SV2C: variants seen among roughly 807,000 people sequenced by gnomAD.
SV2C encodes the protein synaptic vesicle glycoprotein 2C.
SV2C carries 49 observed loss-of-function variants against 79.7 expected under a neutral mutation model. The observed-to-expected ratio is 0.61, with a 90% confidence interval of 0.49 to 0.78. The LOEUF (loss-of-function observed/expected upper bound fraction) is 0.78, where lower values mean the gene tolerates loss of function less well. Among genes scored for constraint, SV2C ranks in the 30% least tolerant of loss-of-function variants. SV2C has a pLI of 0.00. For missense variants in SV2C, 833 were observed against 912.9 expected (o/e 0.91, Z 1.13); for synonymous variants, 334 against 333.2 (o/e 1.00, Z -0.03).
chr5:76,171,580 C>A (rs970171968), intron 2 of SV2C, among the ~76,000 whole-genome samples: 3 of 145,160 alleles, frequency 2.1e-5, no homozygotes, highest in African/African-American at 7.4e-5. Flanking sequence ...GCGTCTCCGC[C>A]GGGCAGCCAC....
At chr5:75,973,002 A>C in the SV2C span, among the ~76,000 whole-genome samples, 1 of 152,098 alleles carries the variant, frequency 6.6e-6, no homozygotes, top group Non-Finnish European at 1.5e-5. Context: ...CAGCTATAAA[A>C]ATGATGAGTT....
At chr5:76,247,223 T>C (rs1028796257) in intron 4 of SV2C, among the ~76,000 whole-genome samples, 4 of 152,204 alleles carry the variant, frequency 2.6e-5, no homozygotes, top group Admixed American at 2.6e-4. Flanking sequence ...TAGCAAATGC[T>C]ACAGAGGAGA....
At chr5:76,205,639 A>G (rs550124881) in intron 3 of SV2C, among the ~76,000 whole-genome samples, 1 of 152,354 alleles carries the variant, frequency 6.6e-6, no homozygotes, top group Non-Finnish European at 1.5e-5. Flanking sequence ...TATAACGAAC[A>G]CTAAGGTCTC....
downstream of SV2C, among the ~76,000 whole-genome samples, chr5:76,338,363 C>T (rs768971340): frequency 6.6e-6 from 1 of 152,226 alleles, no homozygotes; most frequent in Non-Finnish European, 1.5e-5. Context: ...TCTGCTTCCT[C>T]ACCTTCAAGG....
chr5:76,189,741 A>C (rs1356703464), intron 2 of SV2C, among the ~76,000 whole-genome samples: 8 of 152,124 alleles, frequency 5.3e-5, no homozygotes, highest in Non-Finnish European at 4.4e-5. Flanking sequence ...AAGTTTCTTT[A>C]AAGTGGAGTG....
At chr5:76,019,920 G>A in the SV2C span, among the ~76,000 whole-genome samples, 1 of 152,140 alleles carries the variant, frequency 6.6e-6, no homozygotes, top group Non-Finnish European at 1.5e-5. Context: ...TGCTCTAAGT[G>A]TTGAGTGATA....
chr5:76,294,233 C>G (rs1474930281), intron 8 of SV2C, among the ~76,000 whole-genome samples: 1 of 151,930 alleles, frequency 6.6e-6, no homozygotes, highest in Non-Finnish European at 1.5e-5. Flanking sequence ...GCCATACACA[C>G]ACACACAAAG....
intron 1 of SV2C, among the ~76,000 whole-genome samples, chr5:76,085,826 T>TACACACACACACACAC (rs34074817): frequency 0.051 from 7,181 of 141,790 alleles, 291 homozygotes; most frequent in East Asian, 0.11. Context: ...ACAAAGCCCC[T>TACACACACACACACAC]ACACACACAC....
At chr5:76,181,387 C>T (rs1743726083) in intron 2 of SV2C, among the ~76,000 whole-genome samples, 1 of 152,218 alleles carries the variant, frequency 6.6e-6, no homozygotes, top group African/African-American at 2.4e-5. Context: ...TCTACAGTGC[C>T]TTTGCCTTTT....
chr5:76,156,721 A>C (rs1176194008), intron 2 of SV2C, among the ~76,000 whole-genome samples: 1 of 152,344 alleles, frequency 6.6e-6, no homozygotes, highest in East Asian at 1.9e-4. Flanking sequence ...TGAGATATAA[A>C]TTTTAAAAAA....
At chr5:76,079,645 A>G (rs1179750812), upstream of SV2C, 2 of 347,618 alleles carry the variant, frequency 5.8e-6, no homozygotes, top group Non-Finnish European at 1.1e-5. Flanking sequence ...AAGCCCTGCC[A>G]CTCTATGAAG....
chr5:75,900,292 G>T, the SV2C span, among the ~76,000 whole-genome samples: 1 of 152,124 alleles, frequency 6.6e-6, no homozygotes, highest in Non-Finnish European at 1.5e-5. Context: ...TTGCTTGTTT[G>T]TAAAGGATTT....
rs747144970 is a variant in SV2C at position 76,209,781 on chromosome 5, C to T, written c.807C>T (p.Val269=). The change falls in exon 4 of 13, where the codon GTC becomes GTT. Residue 269 remains valine, a synonymous_variant. Transcript: ENST00000502798. ...IPTVFSYFAE[V]LAREKRGEHL... ...CTGTGTTCTCGTACTTTGCTGAAGT[C>T]CTGGCCCGGGAAAAGCGGGGCGAAC... The T allele has an allele frequency of 1.9e-6, 3 of 1,614,208 alleles. No individual in the cohort carries two copies. In the South Asian group the frequency reaches 3.3e-5, roughly 18 times the overall value.
the SV2C span, among the ~76,000 whole-genome samples, chr5:75,861,816 A>G: frequency 1.4e-4 from 21 of 152,188 alleles, no homozygotes; most frequent in Non-Finnish European, 2.8e-4. Context: ...GGACTACTAG[A>G]AGGGGAAGAG....
intron 4 of SV2C, among the ~76,000 whole-genome samples, chr5:76,254,390 G>A (rs12518086): frequency 0.27 from 40,780 of 151,788 alleles, 6,800 homozygotes; most frequent in Non-Finnish European, 0.36. Context: ...AGTGTCGGTG[G>A]AAGTGGTTCT....
chr5:76,297,492 T>C (rs919266456), intron 9 of SV2C, among the ~76,000 whole-genome samples: 1 of 152,196 alleles, frequency 6.6e-6, no homozygotes, highest in Admixed American at 6.5e-5. Flanking sequence ...CTCTGAATTA[T>C]CCATTCAAAA....
At chr5:76,170,661 A>G (rs1036072663) in intron 2 of SV2C, among the ~76,000 whole-genome samples, 3 of 149,452 alleles carry the variant, frequency 2.0e-5, no homozygotes, top group Non-Finnish European at 4.5e-5. Flanking sequence ...TTTCCTTCCC[A>G]ACAGATATTA....
the SV2C span, among the ~76,000 whole-genome samples, chr5:76,026,941 C>T: frequency 1.9e-4 from 29 of 152,156 alleles, no homozygotes; most frequent in East Asian, 5.6e-3. Flanking sequence ...GTCCAACCCC[C>T]ACTTTTTAGA....
chr5:75,868,963 G>A, the SV2C span, among the ~76,000 whole-genome samples: 10 of 152,296 alleles, frequency 6.6e-5, no homozygotes, highest in South Asian at 2.1e-4. Flanking sequence ...CTGGCTTCAG[G>A]TGAGACTCAG....
Sources: allele counts gnomAD v4.1 joint callset (sites outside exome capture counted in the v4.1 genomes callset), GRCh38; gene constraint gnomAD v4.1.1; transcripts MANE v1.5; gene names NCBI Gene and HGNC (gene_info 2026-07-23, HGNC 2026-07-21).